MFSD2A: variants seen among roughly 807,000 people sequenced by gnomAD.
MFSD2A encodes the protein sodium-dependent lysophosphatidylcholine symporter 1.
Under a neutral mutation model 64.7 loss-of-function variants are expected in MFSD2A, and 27 were observed. The ratio of observed to expected loss-of-function variants is 0.42; its 90% CI spans 0.31 to 0.58. MFSD2A has a LOEUF of 0.58. MFSD2A is among the 20% of genes least tolerant of loss of function. MFSD2A has a pLI of 0.18. For missense variants in MFSD2A, 474 were observed against 679.5 expected (o/e 0.70, Z 3.36); for synonymous variants, 258 against 273.4 (o/e 0.94, Z 0.55).
Position 39,964,227 on chromosome 1 carries a change from A to G in MFSD2A, c.354-984A>G, listed in dbSNP as rs1317490843. Reference sequence around the variant, plus strand: ...AGGTTGAATGGTATATATAACTTTTAAATTATGTCAACTTTTCTGTTTGCC... The same window carrying G: ...AGGTTGAATGGTATATATAACTTTTGAATTATGTCAACTTTTCTGTTTGCC... On this transcript the variant is annotated intron_variant, in intron 3 of 13. Coordinates refer to ENST00000372811, the MANE Select transcript of MFSD2A (RefSeq NM_032793.5). This position sits in a 1 kb window ranked among gnomAD's most constrained non-coding sequence, Gnocchi z 4.1. 6.6e-6 allele frequency: 1 copy of G among 152,244 alleles called. No homozygotes were observed. The highest frequency in any genetic ancestry group is 2.4e-5 in the African/African-American group (1 of 41,460). The allele number at this position is 152,244 out of a possible 1,614,324, so 9.4% of individuals were successfully genotyped here.
At chr1:39,969,297 G>A (rs1205634572) in intron 13 of MFSD2A, among the ~76,000 whole-genome samples, 1 of 152,144 alleles carries the variant, frequency 6.6e-6, no homozygotes, top group African/African-American at 2.4e-5. Flanking sequence ...AGGCGAGAGT[G>A]TAGATCTAGG....
In MFSD2A at chr1:39,962,569, C is replaced by A. The variant is rs74067880; in HGVS notation, c.354-2642C>A. On this transcript the variant is annotated intron_variant, in intron 3 of 13. Coordinates refer to ENST00000372811, the MANE Select transcript of MFSD2A (RefSeq NM_032793.5). ...CAAATGGCGGATGACACTGGTGCAG[C>A]GGGGGGGCCTGGAGGCCCTGGTGGC... is the stretch of plus-strand genomic sequence containing the variant. The A allele has an allele frequency of 2.3e-3, 1,466 of 625,066 alleles. 21 individuals are homozygous for A. In the African/African-American group the frequency reaches 0.024, roughly 10 times the overall value. 38.7% of individuals were successfully genotyped at this position (625,066 alleles called of 1,614,324 possible). A position where few individuals can be genotyped will look rare whatever the true frequency, so the allele number is the denominator to read the frequency against.
chr1:39,965,971 A>G lies in MFSD2A; in HGVS notation c.671A>G (p.Gln224Arg), dbSNP rs1645152287. The G allele has an allele frequency of 6.2e-7, 1 of 1,614,066 alleles. No individual in the cohort carries two copies. Among genetic ancestry groups the G allele is most frequent in the Non-Finnish European group, 8.5e-7 (1 of 1,180,040 alleles). The change falls in exon 6 of 14, where the codon CAA (glutamine) becomes CGA (arginine). Residue 224 changes from glutamine to arginine, a missense_variant. Gln to Arg is a conservative substitution (Grantham distance 43, BLOSUM62 1). Transcript: ENST00000372811. This position sits in a 1 kb window ranked among gnomAD's most constrained non-coding sequence, Gnocchi z 5.5. ...QDLNSSTVAS[Q>R]SANHTHGTTS... ...CTCAATAGCTCTACAGTAGCTTCAC[A>G]AAGTGCCAACCATACACATGGCACC...
At position 39,965,444 on chromosome 1, in the gene MFSD2A, C is replaced by T. The variant is rs772734136; in HGVS notation, c.478-27C>T. 17 of 1,613,838 alleles carry T rather than the reference C, an allele frequency of 1.1e-5. No homozygotes were observed. The highest frequency in any genetic ancestry group is 1.4e-5 in the Non-Finnish European group (17 of 1,179,808). On this transcript the variant is annotated intron_variant, in intron 4 of 13. Transcript: ENST00000372811. This position sits in a 1 kb window ranked among gnomAD's most constrained non-coding sequence, Gnocchi z 5.5. ...ACATCAGTGTGTCCACCCGCCTGAC[C>T]AGCCAATGACCTGTCTTCTATGCCA...
rs116362958 is a variant in MFSD2A at position 39,966,158 on chromosome 1, C to T, written c.714+144C>T. 1.4e-3 allele frequency: 1,361 copies of T among 972,794 alleles called. 22 individuals carry two copies. In the African/African-American group the frequency reaches 0.02, roughly 14 times the overall value. The allele number at this position is 972,794 out of a possible 1,614,324, so 60.3% of individuals were successfully genotyped here. A position where few individuals can be genotyped will look rare whatever the true frequency, so the allele number is the denominator to read the frequency against. Reference sequence around the variant, plus strand: ...ATAACAATTAATGCACCCAATATACCTACTTTGCAGAAAAAGAAACTGAAG... The same window carrying T: ...ATAACAATTAATGCACCCAATATACTTACTTTGCAGAAAAAGAAACTGAAG... On this transcript the variant is annotated intron_variant, in intron 6 of 13. Coordinates refer to ENST00000372811, the MANE Select transcript of MFSD2A (RefSeq NM_032793.5).
At position 39,965,166 on chromosome 1, in the gene MFSD2A, T is replaced by TGGGCTCC. The variant is rs919484680; in HGVS notation, c.354-44_354-38dup. Reference sequence around the variant, plus strand: ...CAGCAGACTGGGCTGGGCCTGGTCCTGGGCTCCAGCCTCCAGCCTCCACTC... The same window carrying TGGGCTCC: ...CAGCAGACTGGGCTGGGCCTGGTCCTGGGCTCCGGGCTCCAGCCTCCAGCCTCCACTC... On this transcript the variant is annotated intron_variant, in intron 3 of 13. Coordinates refer to ENST00000372811, the MANE Select transcript of MFSD2A (RefSeq NM_032793.5). This position sits in a 1 kb window ranked among gnomAD's most constrained non-coding sequence, Gnocchi z 5.5. 3.1e-6 allele frequency: 5 copies of TGGGCTCC among 1,603,376 alleles called. No individual in the cohort carries two copies. Among genetic ancestry groups the TGGGCTCC allele is most frequent in the Non-Finnish European group, 4.2e-6 (5 of 1,177,366 alleles).
rs1645246700 is a variant in MFSD2A, at chr1:39,969,910, G to A, written c.*342G>A. ...CATAGCAATGTGTGTGTATGTATAT[G>A]TCTGTGAGCTATTAATGTTATTAAT... is the stretch of plus-strand genomic sequence containing the variant. On this transcript the variant is annotated 3_prime_UTR_variant, in exon 14 of 14. Transcript: ENST00000372811. 1 of 294,076 alleles carries A rather than the reference G, an allele frequency of 3.4e-6. No individual in the cohort carries two copies. Among genetic ancestry groups the A allele is most frequent in the South Asian group, 6.5e-5 (1 of 15,480 alleles). 18.2% of individuals were successfully genotyped at this position (294,076 alleles called of 1,614,324 possible). A position where few individuals can be genotyped will look rare whatever the true frequency, so the allele number is the denominator to read the frequency against.
Position 39,967,087 on chromosome 1 carries a change from T to A in MFSD2A, c.929T>A (p.Leu310Gln). The change falls in exon 9 of 14, where the codon CTG becomes CAG. Residue 310 changes from leucine to glutamine, a missense_variant and splice_region_variant. Physicochemically the swap from Leu to Gln is moderately radical, Grantham distance 113 (BLOSUM62 -2). Coordinates refer to ENST00000372811, the MANE Select transcript of MFSD2A (RefSeq NM_032793.5). ...GFLFTSLAFMLVEGNFVLFCT... is the reference protein window; with the variant it reads ...GFLFTSLAFMQVEGNFVLFCT... ...TTCCCTACCTTGCTCCATGCCCAGC[T>A]GGTGGAGGGGAACTTTGTCTTGTTT... is the stretch of plus-strand genomic sequence containing the variant. 6.2e-7 allele frequency: 1 copy of A among 1,614,062 alleles called. No individual in the cohort carries two copies. The highest frequency in any genetic ancestry group is 8.5e-7 in the Non-Finnish European group (1 of 1,179,964).
rs933791195 is a variant in MFSD2A, at chr1:39,957,142, C to G, written c.149C>G (p.Ala50Gly). 6.2e-7 allele frequency: 1 copy of G among 1,614,012 alleles called. No individual in the cohort carries two copies. Among genetic ancestry groups the G allele is most frequent in the Non-Finnish European group, 8.5e-7 (1 of 1,179,942 alleles). Residue 50 changes from alanine (A) to glycine (G), a missense_variant, in exon 2 of 14, where the codon GCA (alanine) becomes GGA (glycine). By Grantham distance (60) the Ala-to-Gly change is moderately conservative (BLOSUM62 0). Transcript: ENST00000372811. Reference protein sequence around the residue: ...QLSVCNKLCYALGGAPYQVTG... With the variant: ...QLSVCNKLCYGLGGAPYQVTG... ...TCTGTTTGCAACAAGCTTTGCTATG[C>G]ACTTGGGGGAGCCCCCTACCAGGTG...
Position 39,966,681 on chromosome 1 carries a change from G to A in MFSD2A, c.795G>A (p.Arg265=), listed in dbSNP as rs1436988689. Residue 265 remains arginine, a synonymous_variant, in exon 7 of 14, where the codon CGG becomes CGA. Transcript: ENST00000372811. The part of the protein sequence containing the change: ...ICAVILILGV[R]EQREPYEAQQ... Reference sequence around the variant, plus strand: ...CTGTCATCCTGATCCTGGGCGTGCGGGAGCAGAGAGGTAAGGGGGTGCCTG... The same window carrying A: ...CTGTCATCCTGATCCTGGGCGTGCGAGAGCAGAGAGGTAAGGGGGTGCCTG... 1.2e-6 allele frequency: 2 copies of A among 1,613,972 alleles called. No homozygotes were observed. The highest frequency in any genetic ancestry group is 1.1e-5 in the South Asian group (1 of 91,060).
At chr1:39,967,373 C>A in intron 9 of MFSD2A, 1 of 633,128 alleles carries the variant, frequency 1.6e-6, no homozygotes, top group Non-Finnish European at 2.8e-6. Flanking sequence ...GAGTAGTGAG[C>A]ACAGCAAAAG....
rs1267423857 is a variant in MFSD2A, at chr1:39,960,982, T to C, written c.353+2157T>C. ...TGCATATGACCTCCCTGTCCAAACT[T>C]TTTTTCCTTTTTGTGGTGAATGGGG... On this transcript the variant is annotated intron_variant, in intron 3 of 13. Coordinates refer to ENST00000372811, the MANE Select transcript of MFSD2A (RefSeq NM_032793.5). This position sits in a 1 kb window ranked among gnomAD's most constrained non-coding sequence, Gnocchi z 4.8. Among the ~76,000 whole-genome samples the C allele has an allele frequency of 6.6e-6, 1 of 152,182 alleles. No homozygotes were observed. Among genetic ancestry groups the C allele is most frequent in the Non-Finnish European group, 1.5e-5 (1 of 68,022 alleles).
In MFSD2A at chr1:39,958,722, A is replaced by G; in HGVS notation, c.250A>G (p.Ile84Val). The G allele has an allele frequency of 6.2e-7, 1 of 1,614,076 alleles. No homozygotes were observed. The highest frequency in any genetic ancestry group is 8.5e-7 in the Non-Finnish European group (1 of 1,180,006). The change falls in exon 3 of 14, where the codon ATC becomes GTC. Residue 84 changes from isoleucine (I) to valine (V), a missense_variant. Coordinates refer to ENST00000372811, the MANE Select transcript of MFSD2A (RefSeq NM_032793.5). The surrounding 1 kb of genome is among the most constrained non-coding windows in gnomAD (Gnocchi z 4.7). ...CCAGGTGGGCCCTTTCTCTGCCTCCATCATCCTGTTTGTGGGCCGAGCCTG... is the reference window on the plus strand; with the variant it reads ...CCAGGTGGGCCCTTTCTCTGCCTCCGTCATCCTGTTTGTGGGCCGAGCCTG... ...VAQVGPFSASIILFVGRAWDA... is the reference protein window; with the variant it reads ...VAQVGPFSASVILFVGRAWDA...
chr1:39,962,693 A>G, intron 3 of MFSD2A: 1 of 778,264 alleles, frequency 1.3e-6, no homozygotes, highest in East Asian at 2.6e-5. Context: ...GAAGCTGCGG[A>G]GCTTGCTGAG....
chr1:39,962,895 C>G, intron 3 of MFSD2A: 3 of 1,575,026 alleles, frequency 1.9e-6, no homozygotes, highest in Non-Finnish European at 2.6e-6. Flanking sequence ...GAAGCAGACC[C>G]GTGCCGGCCA....
In MFSD2A at chr1:39,969,739, C is replaced by T. The variant is rs898952238; in HGVS notation, c.*171C>T. 7.9e-6 allele frequency: 5 copies of T among 630,458 alleles called. 1 individual carries two copies. The South Asian group carries it at 1.1e-4, about 13-fold the overall frequency. The allele number at this position is 630,458 out of a possible 1,614,324, so 39.1% of individuals were successfully genotyped here. A position where few individuals can be genotyped will look rare whatever the true frequency, so the allele number is the denominator to read the frequency against. ...ACTGTGGGGCCGGCTGCTCTGTGGC[C>T]TCCTGCCTCCCCTCTGCCTGCCTGT... On this transcript the variant is annotated 3_prime_UTR_variant, in exon 14 of 14. Transcript: ENST00000372811.
chr1:39,966,971 G>C (rs774590084), intron 8 of MFSD2A, 39 bp downstream of exon 8: 1 of 1,613,328 alleles, frequency 6.2e-7, no homozygotes, highest in Non-Finnish European at 8.5e-7. Context: ...AGAAGGAGGT[G>C]TAATGGGAGC....
In MFSD2A at chr1:39,965,373, G is replaced by T. The variant is rs187760581; in HGVS notation, c.477+39G>T. On this transcript the variant is annotated intron_variant, in intron 4 of 13. Coordinates refer to ENST00000372811, the MANE Select transcript of MFSD2A (RefSeq NM_032793.5). The surrounding 1 kb of genome is among the most constrained non-coding windows in gnomAD (Gnocchi z 5.5). Reference sequence around the variant, plus strand: ...CCTCCCTTGGGTGTCTCTAGGGGCCGGGAGGAGGGCGGTCCTTGGGGCCCC... The same window carrying T: ...CCTCCCTTGGGTGTCTCTAGGGGCCTGGAGGAGGGCGGTCCTTGGGGCCCC... 4 of 1,613,536 alleles carry T rather than the reference G, an allele frequency of 2.5e-6. No individual in the cohort carries two copies. Among genetic ancestry groups the T allele is most frequent in the Non-Finnish European group, 3.4e-6 (4 of 1,179,786 alleles).
rs1485271656 is a variant in MFSD2A, at chr1:39,969,422, A to T, written c.1530-83A>T. ...ACTTTAGTCCGACAGCAGGGCCAAG[A>T]TCACGTGAGGAAGGAGGCAGGTGGG... On this transcript the variant is annotated intron_variant, in intron 13 of 13. Coordinates refer to ENST00000372811, the MANE Select transcript of MFSD2A (RefSeq NM_032793.5). The T allele has an allele frequency of 3.2e-6, 4 of 1,230,820 alleles. No homozygotes were observed. In the East Asian group the frequency reaches 1.0e-4, roughly 31 times the overall value. The allele number at this position is 1,230,820 out of a possible 1,614,324, so 76.2% of individuals were successfully genotyped here.
Sources: allele counts gnomAD v4.1 joint callset (sites outside exome capture counted in the v4.1 genomes callset), GRCh38; gene constraint gnomAD v4.1.1; non-coding constraint Gnocchi (gnomAD v3.1); transcripts MANE v1.5; gene names NCBI Gene and HGNC (gene_info 2026-07-23, HGNC 2026-07-21).